The following R3HDM4 variants were observed in gnomAD, a reference collection of about 807,000 sequenced individuals.
The protein encoded by R3HDM4 is R3H domain containing 4.
In R3HDM4, 30 loss-of-function variants were observed where a neutral mutation model predicts 31.3. That is an observed-to-expected ratio of 0.96 (90% confidence interval 0.72 to 1.30). The LOEUF (loss-of-function observed/expected upper bound fraction) is 1.30. Among genes scored for constraint, R3HDM4 ranks in the 50% most tolerant of loss-of-function variants. The probability of loss-of-function intolerance (pLI) is 0.00; values close to 1 mark genes in which losing one functional copy is unlikely to be tolerated. For missense variants in R3HDM4, 444 were observed against 366.1 expected (o/e 1.21, Z -1.74); for synonymous variants, 196 against 156.6 (o/e 1.25, Z -1.88).
At chr19:905,337 T>G (rs962422414) in intron 1 of R3HDM4, among the ~76,000 whole-genome samples, 1 of 151,308 alleles carries the variant, frequency 6.6e-6, no homozygotes, top group African/African-American at 2.4e-5. Flanking sequence ...ATGTTTAGTC[T>G]CTACTAAAAA....
rs1024581575 is a variant in R3HDM4 at position 902,139 on chromosome 19, C to T, written c.72-9G>A. The T allele has an allele frequency of 6.8e-6, 11 of 1,611,670 alleles. No individual in the cohort carries two copies. The highest frequency in any genetic ancestry group is 4.5e-5 in the East Asian group (2 of 44,890). On this transcript the variant is annotated splice_polypyrimidine_tract_variant and intron_variant, in intron 1 of 7. Coordinates refer to ENST00000361574, the MANE Select transcript of R3HDM4 (RefSeq NM_138774.4). ...GGCAGCTGGGAAGGGGCCTGTGGGC[C>T]GGGGCAGGGGTGGTCCTCAGGGTCA...
At position 897,556 on chromosome 19, in the gene R3HDM4, GC is replaced by G. The variant is rs1163787644; in HGVS notation, c.704-17del. The G allele has an allele frequency of 6.3e-7, 1 of 1,597,478 alleles. No homozygotes were observed. The highest frequency in any genetic ancestry group is 1.1e-5 in the South Asian group (1 of 89,346). On this transcript the variant is annotated splice_polypyrimidine_tract_variant and intron_variant, in intron 7 of 7. Coordinates refer to ENST00000361574, the MANE Select transcript of R3HDM4 (RefSeq NM_138774.4). ...AGGTCAGCACCTGCAGACGGGACCA[GC>G]GGGGCAAGAACGGGAGGAATTTGGG...
At chr19:911,815 C>A (rs974642793) in intron 1 of R3HDM4, among the ~76,000 whole-genome samples, 1 of 152,042 alleles carries the variant, frequency 6.6e-6, no homozygotes, top group African/African-American at 2.4e-5. Context: ...GAAGGACGCG[C>A]GGGCTCCTGC....
rs1297715860 is a variant in R3HDM4 at position 913,126 on chromosome 19, G to A, written c.32C>T (p.Pro11Leu). 32 of 1,088,694 alleles carry A rather than the reference G, an allele frequency of 2.9e-5. No homozygotes were observed. Among genetic ancestry groups the A allele is most frequent in the Middle Eastern group, 8.2e-4 (2 of 2,442 alleles). The allele number at this position is 1,088,694 out of a possible 1,614,324, so 67.4% of individuals were successfully genotyped here. A position where few individuals can be genotyped will look rare whatever the true frequency, so the allele number is the denominator to read the frequency against. ...GCCCGGGGTGCCCTCCGCCGCCTCCGGGCCGCACTCGGGGTTCTCCAGCGC... is the reference window on the plus strand; with the variant it reads ...GCCCGGGGTGCCCTCCGCCGCCTCCAGGCCGCACTCGGGGTTCTCCAGCGC... MVALENPECG[P>L]EAAEGTPGGR... The change falls in exon 1 of 8, where the codon CCG becomes CTG. Residue 11 changes from proline (P) to leucine (L), a missense_variant. By Grantham distance (98) the Pro-to-Leu change is moderately conservative (BLOSUM62 -3). Coordinates refer to ENST00000361574, the MANE Select transcript of R3HDM4 (RefSeq NM_138774.4). This position sits in a 1 kb window ranked among gnomAD's most constrained non-coding sequence, Gnocchi z 5.0.
At position 909,686 on chromosome 19, in the gene R3HDM4, C is replaced by T. The variant is rs190788225; in HGVS notation, c.71+3401G>A. Among the ~76,000 whole-genome samples, 38 of 151,950 alleles carry T rather than the reference C, an allele frequency of 2.5e-4. No homozygotes were observed. The East Asian group carries it at 7.4e-3, about 30-fold the overall frequency. ...TGGCACATGCCTGTAATCCCAGCTACTCAGGAGGCTGAGGCAGGAGAATCG... is the reference window on the plus strand; with the variant it reads ...TGGCACATGCCTGTAATCCCAGCTATTCAGGAGGCTGAGGCAGGAGAATCG... On this transcript the variant is annotated intron_variant, in intron 1 of 7. Coordinates refer to ENST00000361574, the MANE Select transcript of R3HDM4 (RefSeq NM_138774.4).
At chr19:902,566 T>A (rs1315219196) in intron 1 of R3HDM4, 1 of 166,512 alleles carries the variant, frequency 6.0e-6, no homozygotes, top group Admixed American at 5.7e-5. Flanking sequence ...ATCACTTAAG[T>A]CCAGGAGGTC....
chr19:909,401 C>T (rs984985484), intron 1 of R3HDM4, among the ~76,000 whole-genome samples: 1 of 152,092 alleles, frequency 6.6e-6, no homozygotes, highest in Non-Finnish European at 1.5e-5. Flanking sequence ...CCCAACCCCC[C>T]ACCAGGACAC....
rs371191985 is a variant in R3HDM4, at chr19:907,085, G to A, written c.72-4955C>T. Reference sequence around the variant, plus strand: ...CTGCCTCAGCCTCCCAAAGTGCTGGGATTACAGGCATGAGCTACCACGCCC... The same window carrying A: ...CTGCCTCAGCCTCCCAAAGTGCTGGAATTACAGGCATGAGCTACCACGCCC... On this transcript the variant is annotated intron_variant, in intron 1 of 7. Coordinates refer to ENST00000361574, the MANE Select transcript of R3HDM4 (RefSeq NM_138774.4). This position sits in a 1 kb window ranked among gnomAD's most constrained non-coding sequence, Gnocchi z 4.1. Among the ~76,000 whole-genome samples, 3 of 152,196 alleles carry A rather than the reference G, an allele frequency of 2.0e-5. No homozygotes were observed. Among genetic ancestry groups the A allele is most frequent in the African/African-American group, 7.2e-5 (3 of 41,440 alleles).
intron 3 of R3HDM4, chr19:901,200 C>T (rs2036832085): frequency 1.5e-6 from 1 of 672,040 alleles, no homozygotes; most frequent in Non-Finnish European, 2.5e-6. Flanking sequence ...TTGGAGGGTT[C>T]CCAAACGTGT....
chr19:901,066 C>T (rs1046840557), intron 3 of R3HDM4, 114 bp from the exon 4 acceptor site: 2 of 1,322,714 alleles, frequency 1.5e-6, no homozygotes, highest in African/African-American at 1.5e-5. Context: ...CCTGCGGTCA[C>T]CTCTGTCCAC....
At chr19:904,633 A>G (rs1230356422) in intron 1 of R3HDM4, among the ~76,000 whole-genome samples, 9 of 152,030 alleles carry the variant, frequency 5.9e-5, no homozygotes, top group Non-Finnish European at 1.2e-4. Context: ...CAGGAGTTCA[A>G]GATCAGCCTG....
intron 1 of R3HDM4, among the ~76,000 whole-genome samples, chr19:903,819 G>C (rs542522458): frequency 1.3e-5 from 2 of 152,242 alleles, no homozygotes; most frequent in South Asian, 4.1e-4. Context: ...GGGAGGCCGA[G>C]GCGGGCGGAT....
intron 7 of R3HDM4, among the ~76,000 whole-genome samples, chr19:898,233 T>A (rs74980600): frequency 0.23 from 31,571 of 139,816 alleles, 3,501 homozygotes; most frequent in Middle Eastern, 0.29. Context: ...AAAAAAAATA[T>A]ATATATATAT....
chr19:905,956 G>A (rs1006082919), intron 1 of R3HDM4, among the ~76,000 whole-genome samples: 6 of 152,146 alleles, frequency 3.9e-5, no homozygotes, highest in Middle Eastern at 3.2e-3. Flanking sequence ...GCCAGGCTGC[G>A]GCGTTAGCAG....
chr19:906,289 A>G (rs1255889123), intron 1 of R3HDM4, among the ~76,000 whole-genome samples: 16 of 116,202 alleles, frequency 1.4e-4, no homozygotes, highest in Non-Finnish European at 2.3e-4. Context: ...GCTCGATCTC[A>G]GCTCACTGCA....
At chr19:910,593 C>A (rs2036959578) in intron 1 of R3HDM4, among the ~76,000 whole-genome samples, 1 of 151,664 alleles carries the variant, frequency 6.6e-6, no homozygotes, top group African/African-American at 2.4e-5. Flanking sequence ...TTAGCAAGAC[C>A]CTGTCTCTAA....
Position 900,880 on chromosome 19 carries a change from T to C in R3HDM4, c.424A>G (p.Arg142Gly). ...RVLRYLEDEGRSKARRRGPGR... is the reference protein window; with the variant it reads ...RVLRYLEDEGGSKARRRGPGR... ...GGGCCCCTCCTCCGCGCCTTGCTCC[T>C]GCCCTCATCCTCCAGGTAGCGAAGA... The change falls in exon 4 of 8, where the codon AGG becomes GGG. Residue 142 changes from arginine to glycine, a missense_variant. Transcript: ENST00000361574. 1 of 1,566,554 alleles carries C rather than the reference T, an allele frequency of 6.4e-7. No homozygotes were observed. Among genetic ancestry groups the C allele is most frequent in the African/African-American group, 1.4e-5 (1 of 72,970 alleles).
intron 3 of R3HDM4, 198 bp from the exon 4 acceptor site, chr19:901,150 T>C: frequency 1.4e-6 from 1 of 697,502 alleles, no homozygotes; most frequent in Admixed American, 3.2e-5. Flanking sequence ...CCCAGCTGTC[T>C]CGGGGTGGGG....
rs994098378 is a variant in R3HDM4 at position 897,116 on chromosome 19, TC to T, written c.*320del. 7 of 307,502 alleles carry T rather than the reference TC, an allele frequency of 2.3e-5. No individual in the cohort carries two copies. The highest frequency in any genetic ancestry group is 3.6e-5 in the Non-Finnish European group (6 of 168,000). The allele number at this position is 307,502 out of a possible 1,614,324, so 19.0% of individuals were successfully genotyped here. On this transcript the variant is annotated 3_prime_UTR_variant, in exon 8 of 8. Coordinates refer to ENST00000361574, the MANE Select transcript of R3HDM4 (RefSeq NM_138774.4). ...CATTAAAAGTGATAAAAACCCAGCC[TC>T]CCCCTCCTCACTTGAGCTTCAGACC...
Sources: gnomAD v4.1 joint callset for allele counts (sites outside exome capture counted in the v4.1 genomes callset) on GRCh38, gnomAD v4.1.1 for gene constraint, Gnocchi (gnomAD v3.1) non-coding constraint, MANE v1.5 for transcripts, NCBI Gene and HGNC (gene_info 2026-07-23, HGNC 2026-07-21) for gene names.